Variants in CEMIP observed in about 807,000 individuals in gnomAD.
CEMIP encodes the protein cell migration inducing hyaluronidase 1, also known as cell migration-inducing and hyaluronan-binding protein.
Under a neutral mutation model 156.9 loss-of-function variants are expected in CEMIP, and 105 were observed. The observed-to-expected ratio is 0.67, with a 90% CI of 0.57 to 0.79. CEMIP has a LOEUF of 0.79. Ranked by LOEUF, CEMIP falls within the 30% of genes least tolerant of loss-of-function variation. CEMIP has a pLI of 0.00. For synonymous variants in CEMIP, 676 were observed against 668.4 expected (o/e 1.01, Z -0.17); for missense variants, 1,457 against 1,769.4 (o/e 0.82, Z 3.17).
At chr15:80,947,823 T>A (rs1001826305) in intron 29 of CEMIP, 1 of 152,304 alleles carries the variant, frequency 6.6e-6, no homozygotes, top group African/African-American at 2.4e-5. Context: ...TACTATTATT[T>A]CCATTTAAGA....
intron 1 of CEMIP, among the ~76,000 whole-genome samples, chr15:80,831,347 G>A (rs954002093): frequency 6.6e-6 from 1 of 152,174 alleles, no homozygotes; most frequent in African/African-American, 2.4e-5. Flanking sequence ...AGCCTGTGAG[G>A]ATGTCTTTCT....
Position 80,937,902 on chromosome 15 carries a change from C to G in CEMIP, c.3330C>G (p.Phe1110Leu), listed in dbSNP as rs200438560. 1.9e-6 allele frequency: 3 copies of G among 1,614,194 alleles called. No individual in the cohort carries two copies. The Admixed American group carries it at 5.0e-5, about 27-fold the overall frequency. The change falls in exon 25 of 30, where the codon TTC (phenylalanine) becomes TTG (leucine). Residue 1110 changes from phenylalanine to leucine, a missense_variant. Physicochemically the swap from Phe to Leu is conservative, Grantham distance 22. This residue lies in a region of CEMIP where 798 missense variants were observed against 980.1 expected (regional missense o/e 0.81). Coordinates refer to ENST00000394685, the MANE Select transcript of CEMIP (RefSeq NM_001293298.2). ...AGCAAACGTCCAAGACGGGCGTCTT[C>G]GTGAGGACCTTGCAGATGGACAAAG... ...LLKQTSKTGV[F>L]VRTLQMDKVE...
At chr15:80,909,796 A>G in intron 14 of CEMIP, 1 of 364,586 alleles carries the variant, frequency 2.7e-6, no homozygotes, top group Non-Finnish European at 5.4e-6. Flanking sequence ...CATGTGTATC[A>G]GAGGCTTGTC....
In CEMIP at chr15:80,906,618, C is replaced by T. The variant is rs370280646; in HGVS notation, c.1412-45C>T. ...TGGCAGGGGCCCAGAACTCAGTGGG[C>T]ATGCAGTACCTGCTGTTGTTTACCG... On this transcript the variant is annotated intron_variant, in intron 12 of 29. Transcript: ENST00000394685. The surrounding 1 kb of genome is among the most constrained non-coding windows in gnomAD (Gnocchi z 4.3). 2 of 1,577,054 alleles carry T rather than the reference C, an allele frequency of 1.3e-6. No homozygotes were observed.
Position 80,936,841 on chromosome 15 carries a change from G to T in CEMIP, c.3177G>T (p.Gln1059His), listed in dbSNP as rs201339841. Residue 1059 changes from glutamine to histidine, a missense_variant, in exon 24 of 30, where the codon CAG (glutamine) becomes CAT (histidine). Coordinates refer to ENST00000394685, the MANE Select transcript of CEMIP (RefSeq NM_001293298.2). The stretch of plus-strand genomic sequence containing the variant: ...AGGGCTACACCATCCACTGGGACCA[G>T]ACGGCCCCCGCCGAACTCGCCATCT... The part of the protein sequence containing the change: ...LQKGYTIHWD[Q>H]TAPAELAIWL... 1.9e-5 allele frequency: 31 copies of T among 1,614,136 alleles called. No homozygotes were observed. The highest frequency in any genetic ancestry group is 3.3e-4 in the Middle Eastern group (2 of 6,062).
Position 80,819,380 on chromosome 15 carries a change from T to C in CEMIP, c.-176+39766T>C, listed in dbSNP as rs1362799878. Reference sequence around the variant, plus strand: ...GGTCCTGTCTAGTGGATGGTCACTCTTAGGGATGGTTCCAGATGTCTTGCT... The same window carrying C: ...GGTCCTGTCTAGTGGATGGTCACTCCTAGGGATGGTTCCAGATGTCTTGCT... On this transcript the variant is annotated intron_variant, in intron 1 of 29. Coordinates refer to ENST00000394685, the MANE Select transcript of CEMIP (RefSeq NM_001293298.2). Among the ~76,000 whole-genome samples, 4 of 152,176 alleles carry C rather than the reference T, an allele frequency of 2.6e-5. No homozygotes were observed. In the South Asian group the frequency reaches 8.3e-4, roughly 32 times the overall value.
intron 1 of CEMIP, among the ~76,000 whole-genome samples, chr15:80,794,687 A>C (rs1896170517): frequency 1.3e-5 from 2 of 152,222 alleles, no homozygotes; most frequent in Non-Finnish European, 2.9e-5. Context: ...TTCTGCTTAC[A>C]GCATATCTCA....
At chr15:80,790,757 T>C (rs1283183501) in intron 1 of CEMIP, among the ~76,000 whole-genome samples, 1 of 152,210 alleles carries the variant, frequency 6.6e-6, no homozygotes, top group Non-Finnish European at 1.5e-5. Context: ...AGAGTTGAAT[T>C]CGTTGAGAGT....
intron 1 of CEMIP, among the ~76,000 whole-genome samples, chr15:80,835,081 CAG>C (rs36062989): frequency 0.27 from 40,430 of 150,104 alleles, 5,393 homozygotes; most frequent in East Asian, 0.4. Flanking sequence ...GTCCTCATTG[CAG>C]AGAGAGAGAG....
Position 80,894,995 on chromosome 15 carries a change from T to G in CEMIP, c.1092T>G (p.Thr364=). 1 of 1,613,936 alleles carries G rather than the reference T, an allele frequency of 6.2e-7. No homozygotes were observed. Among genetic ancestry groups the G allele is most frequent in the Admixed American group, 1.7e-5 (1 of 60,004 alleles). Residue 364 remains threonine, a synonymous_variant, in exon 11 of 30, where the codon ACT becomes ACG. Transcript: ENST00000394685. ...ICNRPIDIQA[T]TMDGVNLSTE... is the part of the protein sequence containing the mutation. Reference sequence around the variant, plus strand: ...AATTTCTGTGTCATTCCCAGGCCACTACAATGGATGGAGTTAACCTCAGCA... The same window carrying G: ...AATTTCTGTGTCATTCCCAGGCCACGACAATGGATGGAGTTAACCTCAGCA...
chr15:80,938,118 G>A (rs1567110660), intron 25 of CEMIP, 139 bp downstream of exon 25: 1 of 725,780 alleles, frequency 1.4e-6, no homozygotes, highest in Non-Finnish European at 2.4e-6. Flanking sequence ...TGACTCTAAG[G>A]CTGACTGTCC....
intron 15 of CEMIP, among the ~76,000 whole-genome samples, chr15:80,920,641 C>A (rs1900438034): frequency 6.6e-6 from 1 of 152,172 alleles, no homozygotes; most frequent in Non-Finnish European, 1.5e-5. Context: ...CCACACAGAC[C>A]CTTTTCTAGA....
chr15:80,906,954 G>C lies in CEMIP; in HGVS notation c.1587+116G>C. The stretch of plus-strand genomic sequence containing the variant: ...GTGGGGGAACAGGAGGTGGGATCAA[G>C]GGGAGGGCGCCTTCTGGAAGTTTGA... On this transcript the variant is annotated intron_variant, in intron 13 of 29. Transcript: ENST00000394685. The surrounding 1 kb of genome is among the most constrained non-coding windows in gnomAD (Gnocchi z 4.3). 3 of 1,133,258 alleles carry C rather than the reference G, an allele frequency of 2.6e-6. No homozygotes were observed. The South Asian group carries it at 4.0e-5, about 15-fold the overall frequency. The allele number at this position is 1,133,258 out of a possible 1,614,324, so 70.2% of individuals were successfully genotyped here.
At chr15:80,859,005 G>C (rs994452093) in intron 1 of CEMIP, among the ~76,000 whole-genome samples, 1 of 152,186 alleles carries the variant, frequency 6.6e-6, no homozygotes, top group African/African-American at 2.4e-5. Context: ...TAGAGGCAAG[G>C]GTGGCCCCAG....
intron 17 of CEMIP, among the ~76,000 whole-genome samples, chr15:80,922,593 CTT>C (rs546078406): frequency 6.6e-4 from 100 of 152,318 alleles, no homozygotes; most frequent in African/African-American, 2.3e-3. Context: ...GCTGTTCCCT[CTT>C]GTCTTGTTTC....
At position 80,949,149 on chromosome 15, in the gene CEMIP, G is replaced by A; in HGVS notation, c.*225G>A. 1 of 603,254 alleles carries A rather than the reference G, an allele frequency of 1.7e-6. No homozygotes were observed. The highest frequency in any genetic ancestry group is 2.9e-6 in the Non-Finnish European group (1 of 339,244). The allele number at this position is 603,254 out of a possible 1,614,324, so 37.4% of individuals were successfully genotyped here. ...CCCTGGGGCGGTGCTGGCCAATGCT[G>A]GAAACATTCACTTTCCTGCAGCCTC... On this transcript the variant is annotated 3_prime_UTR_variant, in exon 30 of 30. Transcript: ENST00000394685.
At chr15:80,808,839 A>G (rs1052374875) in intron 1 of CEMIP, among the ~76,000 whole-genome samples, 3 of 152,168 alleles carry the variant, frequency 2.0e-5, no homozygotes, top group African/African-American at 7.2e-5. Flanking sequence ...GATGGTTTAA[A>G]GCAGAAACAG....
rs1055555261 is a variant in CEMIP, at chr15:80,920,187, C to T, written c.1891C>T (p.Leu631Phe). The change falls in exon 15 of 30, where the codon CTC becomes TTC. Residue 631 changes from leucine (L) to phenylalanine (F), a missense_variant. Leu to Phe is a conservative substitution (Grantham distance 22). This residue lies in a region of CEMIP where 798 missense variants were observed against 980.1 expected (regional missense o/e 0.81). Coordinates refer to ENST00000394685, the MANE Select transcript of CEMIP (RefSeq NM_001293298.2). ...ERNTFDHCLG[L>F]LVKSGTLLPS... ...CAACACTTTTGACCACTGTCTTGGC[C>T]TCCTTGTCAAGTCTGGAACCCTCCT... is the stretch of plus-strand genomic sequence containing the variant. The T allele has an allele frequency of 3.1e-6, 5 of 1,614,072 alleles. No homozygotes were observed. The South Asian group carries it at 5.5e-5, about 18-fold the overall frequency.
At chr15:80,878,944 G>A in intron 4 of CEMIP, 77 bp downstream of exon 4, 1 of 1,551,586 alleles carries the variant, frequency 6.4e-7, no homozygotes, top group Non-Finnish European at 8.9e-7. Context: ...AGGTTGCCAT[G>A]AGCTCAGATG....
Sources: allele counts gnomAD v4.1 joint callset (sites outside exome capture counted in the v4.1 genomes callset), GRCh38; gene constraint gnomAD v4.1.1; regional missense constraint gnomAD v4.1.1; non-coding constraint Gnocchi (gnomAD v3.1); transcripts MANE v1.5; gene names NCBI Gene and HGNC (gene_info 2026-07-23, HGNC 2026-07-21).